Variants in SV2C observed in about 807,000 individuals in gnomAD.
SV2C encodes synaptic vesicle glycoprotein 2C, also known as solute carrier family 22 member B3.
SV2C carries 49 observed loss-of-function variants against 79.7 expected under a neutral mutation model. That is an observed-to-expected ratio of 0.61 (90% CI 0.49 to 0.78). The LOEUF is 0.78. Ranked by LOEUF, SV2C falls within the 30% of genes least tolerant of loss-of-function variation. SV2C has a pLI of 0.00. For synonymous variants in SV2C, 334 were observed against 333.2 expected (o/e 1.00, Z -0.03); for missense variants, 833 against 912.9 (o/e 0.91, Z 1.13).
intron 6 of SV2C, 112 bp from the exon 7 acceptor site, chr5:76,291,109 C>A: frequency 1.6e-6 from 1 of 624,764 alleles, no homozygotes. Flanking sequence ...TTACCAAATA[C>A]CGCCTACTTC....
At chr5:76,294,543 G>A (rs1323047301) in intron 8 of SV2C, among the ~76,000 whole-genome samples, 1 of 152,062 alleles carries the variant, frequency 6.6e-6, no homozygotes, top group African/African-American at 2.4e-5. Flanking sequence ...CTTGTGATCT[G>A]CCTGCCTCGG....
chr5:76,228,008 G>C (rs1175940046), intron 4 of SV2C, among the ~76,000 whole-genome samples: 3 of 152,080 alleles, frequency 2.0e-5, no homozygotes, highest in Admixed American at 1.3e-4. Flanking sequence ...CAAGATTATT[G>C]TAATTGAAAT....
chr5:76,047,990 G>A, the SV2C span, among the ~76,000 whole-genome samples: 6 of 151,844 alleles, frequency 4.0e-5, no homozygotes. Context: ...CTAAGAGAGT[G>A]GATATGAAGT....
chr5:75,871,814 T>TAAAA, the SV2C span, among the ~76,000 whole-genome samples: 12 of 144,876 alleles, frequency 8.3e-5, no homozygotes, highest in African/African-American at 2.9e-4. Flanking sequence ...CTCAAATATA[T>TAAAA]AAATATATAT....
At chr5:76,020,508 A>C in the SV2C span, among the ~76,000 whole-genome samples, 1 of 152,122 alleles carries the variant, frequency 6.6e-6, no homozygotes, top group Non-Finnish European at 1.5e-5. Flanking sequence ...CCACATACAG[A>C]TCTAACGGCG....
At chr5:76,063,846 T>C in the SV2C span, among the ~76,000 whole-genome samples, 1 of 152,148 alleles carries the variant, frequency 6.6e-6, no homozygotes, top group Non-Finnish European at 1.5e-5. Context: ...GACTTATTTG[T>C]TTTTTACTGA....
At chr5:76,207,911 C>G (rs1212884000) in intron 3 of SV2C, among the ~76,000 whole-genome samples, 1 of 152,214 alleles carries the variant, frequency 6.6e-6, no homozygotes, top group Admixed American at 6.5e-5. Context: ...GAAGCCCAGG[C>G]AAGAGAATTG....
the SV2C span, among the ~76,000 whole-genome samples, chr5:75,868,474 G>A: frequency 0.024 from 3,610 of 152,218 alleles, 140 homozygotes; most frequent in African/African-American, 0.082. Flanking sequence ...GGTCGCTCTC[G>A]TAAACAATAC....
chr5:76,131,760 T>C lies in SV2C; in HGVS notation c.10T>C (p.Ser4Pro). 6.2e-7 allele frequency: 1 copy of C among 1,604,676 alleles called. No homozygotes were observed. The highest frequency in any genetic ancestry group is 8.5e-7 in the Non-Finnish European group (1 of 1,174,702). Residue 4 changes from serine (S) to proline (P), a missense_variant, in exon 2 of 13, where the codon TCT becomes CCT. By Grantham distance (74) the Ser-to-Pro change is moderately conservative. Coordinates refer to ENST00000502798, the MANE Select transcript of SV2C (RefSeq NM_014979.4). ...CATCAGTTGAGATAAGATGGAAGAC[T>C]CTTACAAGGATAGGACTTCACTGAT... MED[S>P]YKDRTSLMKG...
chr5:75,910,664 A>G, the SV2C span: 1 of 1,108,800 alleles, frequency 9.0e-7, no homozygotes, highest in South Asian at 1.2e-5. Flanking sequence ...GAATGCCAAG[A>G]AGAAAGACGA....
the SV2C span, among the ~76,000 whole-genome samples, chr5:76,055,627 G>A: frequency 6.6e-6 from 1 of 152,154 alleles, no homozygotes; most frequent in Non-Finnish European, 1.5e-5. Context: ...TCCTATCCAT[G>A]AGCATGGAAT....
intron 2 of SV2C, among the ~76,000 whole-genome samples, chr5:76,169,427 C>T (rs1240451052): frequency 6.6e-6 from 1 of 152,142 alleles, no homozygotes; most frequent in Non-Finnish European, 1.5e-5. Context: ...TGGTGAAAAA[C>T]TGGGAATTAA....
intron 4 of SV2C, among the ~76,000 whole-genome samples, chr5:76,223,437 A>C (rs1745130695): frequency 1.6e-5 from 1 of 64,168 alleles, no homozygotes; most frequent in Admixed American, 1.9e-4. Flanking sequence ...CTTTATATAC[A>C]TACATACATA....
At chr5:76,349,380 A>T (rs2112591002) in intron 12 of SV2C, among the ~76,000 whole-genome samples, 1 of 152,106 alleles carries the variant, frequency 6.6e-6, no homozygotes, top group Admixed American at 6.5e-5. Context: ...AGGCATGGTG[A>T]CGCGCACCTG....
chr5:76,132,020 G>T lies in SV2C; in HGVS notation c.270G>T (p.Glu90Asp), dbSNP rs768591047. 1 of 1,613,130 alleles carries T rather than the reference G, an allele frequency of 6.2e-7. No homozygotes were observed. Among genetic ancestry groups the T allele is most frequent in the South Asian group, 1.1e-5 (1 of 90,902 alleles). The change falls in exon 2 of 13, where the codon GAG becomes GAT. Residue 90 changes from glutamate (E) to aspartate (D), a missense_variant. Glu to Asp is a conservative substitution (Grantham distance 45, BLOSUM62 2). Coordinates refer to ENST00000502798, the MANE Select transcript of SV2C (RefSeq NM_014979.4). ...ATGATGAAGATGATGAGATCTATGAGGGGGAGTATCAGGGCATCCCCAGTA... is the reference window on the plus strand; with the variant it reads ...ATGATGAAGATGATGAGATCTATGATGGGGAGTATCAGGGCATCCCCAGTA... Reference protein sequence around the residue: ...EGHDEDDEIYEGEYQGIPSMN... With the variant: ...EGHDEDDEIYDGEYQGIPSMN...
At chr5:76,043,429 CA>C in the SV2C span, among the ~76,000 whole-genome samples, 1 of 152,184 alleles carries the variant, frequency 6.6e-6, no homozygotes, top group African/African-American at 2.4e-5. Flanking sequence ...AATAAGTTGT[CA>C]AAAGTCACTC....
chr5:76,140,317 A>T (rs1463118114), intron 2 of SV2C, among the ~76,000 whole-genome samples: 1 of 152,158 alleles, frequency 6.6e-6, no homozygotes, highest in Non-Finnish European at 1.5e-5. Context: ...TACAGAATTC[A>T]TTCCTCCCAT....
the SV2C span, chr5:75,921,389 G>C: frequency 1.2e-6 from 1 of 845,072 alleles, no homozygotes; most frequent in Non-Finnish European, 2.1e-6. Context: ...GTCCTGCCCT[G>C]GGTCAAACTG....
chr5:76,239,877 A>G (rs1008643618), intron 4 of SV2C, among the ~76,000 whole-genome samples: 2 of 152,176 alleles, frequency 1.3e-5, no homozygotes, highest in Non-Finnish European at 2.9e-5. Flanking sequence ...CGCTAGGGGC[A>G]TCTTGGAGGC....
Sources: allele counts gnomAD v4.1 joint callset (sites outside exome capture counted in the v4.1 genomes callset), GRCh38; gene constraint gnomAD v4.1.1; transcripts MANE v1.5; gene names NCBI Gene and HGNC (gene_info 2026-07-23, HGNC 2026-07-21).